DPEP1: variants seen among roughly 807,000 people sequenced by gnomAD.
DPEP1 encodes the protein beta-lactamase.
Under a neutral mutation model 42.3 loss-of-function variants are expected in DPEP1, and 50 were observed. The observed-to-expected ratio is 1.18, with a 90% CI of 0.94 to 1.50. The LOEUF (loss-of-function observed/expected upper bound fraction) is 1.50. Ranked by LOEUF, DPEP1 falls within the 40% of genes most tolerant of loss-of-function variation. The pLI is 0.00. For missense variants in DPEP1, 663 were observed against 553.0 expected, an observed-to-expected ratio of 1.20 and a Z score of -1.99; for synonymous variants, 297 against 234.0, an observed-to-expected ratio of 1.27 and a Z score of -2.46.
chr16:89,632,625 G>A (rs1597763808), intron 2 of DPEP1, among the ~76,000 whole-genome samples: 3 of 152,292 alleles, frequency 2.0e-5, no homozygotes, highest in African/African-American at 7.2e-5. Context: ...CCCAGCTAAG[G>A]GCATTGCCCC....
chr16:89,635,163 C>CT lies in DPEP1; in HGVS notation c.105-745_105-744insT, dbSNP rs1175989450. On this transcript the variant is annotated intron_variant, in intron 2 of 10. Transcript: ENST00000690203. ...CCTTCCTTCTCCTTTCCCCTTCCTTCCCTTTCCCTTCCTTCTCCTTTCCCC... is the reference window on the plus strand; with the variant it reads ...CCTTCCTTCTCCTTTCCCCTTCCTTCTCCTTTCCCTTCCTTCTCCTTTCCCC... Among the ~76,000 whole-genome samples the CT allele has an allele frequency of 1.4e-3, 43 of 30,514 alleles. 1 individual carries two copies. Among genetic ancestry groups the CT allele is most frequent in the African/African-American group, 4.1e-3 (38 of 9,212 alleles). 20.0% of individuals were successfully genotyped at this position (30,514 alleles called of 152,430 possible). A position where few individuals can be genotyped will look rare whatever the true frequency, so the allele number is the denominator to read the frequency against.
At chr16:89,614,670 C>G (rs531906140) in intron 1 of DPEP1, among the ~76,000 whole-genome samples, 217 of 152,334 alleles carry the variant, frequency 1.4e-3, no homozygotes, top group African/African-American at 4.8e-3. Flanking sequence ...TGGCGGGCGC[C>G]TGTAGTCCCA....
chr16:89,614,674 A>G (rs1355461039), intron 1 of DPEP1, among the ~76,000 whole-genome samples: 1 of 152,214 alleles, frequency 6.6e-6, no homozygotes. Context: ...GGGCGCCTGT[A>G]GTCCCAGCTA....
intron 1 of DPEP1, among the ~76,000 whole-genome samples, chr16:89,617,853 A>T (rs934152366): frequency 3.4e-5 from 5 of 145,406 alleles, no homozygotes; most frequent in African/African-American, 1.3e-4. Flanking sequence ...GTGAAACCCC[A>T]TCTCTACTAA....
At position 89,636,546 on chromosome 16, in the gene DPEP1, C is replaced by T. The variant is rs1370177810; in HGVS notation, c.384C>T (p.Ala128=). ...CTCTCCCCGCAGGCATTCGGCAGGC[C>T]TTCCGGGAAGGGAAGGTGGCCAGCC... ...YVTSSAGIRQ[A]FREGKVASLI... is the part of the protein sequence containing the mutation. The change falls in exon 5 of 11, where the codon GCC becomes GCT. Residue 128 remains alanine (A), a synonymous_variant. Coordinates refer to ENST00000690203, the MANE Select transcript of DPEP1 (RefSeq NM_001389466.1). 6.2e-7 allele frequency: 1 copy of T among 1,612,330 alleles called. No individual in the cohort carries two copies. Among genetic ancestry groups the T allele is most frequent in the African/African-American group, 1.3e-5 (1 of 74,940 alleles).
At chr16:89,616,633 A>C (rs2059381074) in intron 1 of DPEP1, among the ~76,000 whole-genome samples, 1 of 152,156 alleles carries the variant, frequency 6.6e-6, no homozygotes, top group African/African-American at 2.4e-5. Context: ...AGGTTCCTTG[A>C]AGTTTGTGAT....
rs755254089 is a variant in DPEP1, at chr16:89,636,004, CATCCCCA to C, written c.203_209del (p.Ile68SerfsTer2). On this transcript the variant is annotated frameshift_variant, in exon 3 of 11. Coordinates refer to ENST00000690203, the MANE Select transcript of DPEP1 (RefSeq NM_001389466.1). LOFTEE classifies it high-confidence loss of function. ...CCACCTTGGCCGGCACACACACCAA[CATCCCCA>C]AGCTGAGGGCCGGCTTTGTGGGAGG... The C allele has an allele frequency of 2.4e-5, 39 of 1,612,036 alleles. 1 individual carries two copies. The highest frequency in any genetic ancestry group is 2.1e-4 in the South Asian group (19 of 91,016).
intron 1 of DPEP1, among the ~76,000 whole-genome samples, chr16:89,618,298 C>T (rs1011118167): frequency 6.6e-6 from 1 of 152,130 alleles, no homozygotes; most frequent in African/African-American, 2.4e-5. Context: ...CTCACTGTAG[C>T]TTAAACCTCC....
Position 89,638,081 on chromosome 16 carries a change from G to A in DPEP1, c.1095G>A (p.Glu365=). 6.2e-7 allele frequency: 1 copy of A among 1,612,322 alleles called. No individual in the cohort carries two copies. Among genetic ancestry groups the A allele is most frequent in the South Asian group, 1.1e-5 (1 of 91,074 alleles). The stretch of plus-strand genomic sequence containing the variant: ...GCAACCTCACACAGGCTCCCGAGGA[G>A]GAGCCCATCCCGCTGGACCAGCTGG... ...QASNLTQAPE[E]EPIPLDQLGG... is the part of the protein sequence containing the mutation. The change falls in exon 11 of 11, where the codon GAG becomes GAA. Residue 365 remains glutamate (E), a synonymous_variant. Transcript: ENST00000690203.
intron 3 of DPEP1, 103 bp downstream of exon 3, chr16:89,636,143 C>A: frequency 6.5e-7 from 1 of 1,546,168 alleles, no homozygotes; most frequent in African/African-American, 1.4e-5. Context: ...CCTCCAGGGT[C>A]CCTCGGTGCC....
At chr16:89,623,855 G>A (rs184125497) in intron 1 of DPEP1, among the ~76,000 whole-genome samples, 1 of 152,128 alleles carries the variant, frequency 6.6e-6, no homozygotes, top group Admixed American at 6.5e-5. Flanking sequence ...TCCCTGGACC[G>A]GAGGCAGAGG....
Position 89,637,463 on chromosome 16 carries a change from T to G in DPEP1, c.769-5T>G, listed in dbSNP as rs763019544. 20 of 1,612,698 alleles carry G rather than the reference T, an allele frequency of 1.2e-5. No homozygotes were observed. The highest frequency in any genetic ancestry group is 1.6e-5 in the Non-Finnish European group (19 of 1,179,982). On this transcript the variant is annotated splice_region_variant and splice_polypyrimidine_tract_variant and intron_variant, in intron 7 of 10. Transcript: ENST00000690203. ...CAGCTTCACCCTGTCTTCCTTCTTGTGCAGAAACAGACAGACAGCCTGGTG... is the reference window on the plus strand; with the variant it reads ...CAGCTTCACCCTGTCTTCCTTCTTGGGCAGAAACAGACAGACAGCCTGGTG...
At position 89,634,089 on chromosome 16, in the gene DPEP1, TTC is replaced by T. The variant is rs1212149459; in HGVS notation, c.105-1817_105-1816del. Among the ~76,000 whole-genome samples the T allele has an allele frequency of 1.2e-4, 15 of 129,542 alleles. 1 individual carries two copies. The highest frequency in any genetic ancestry group is 3.4e-4 in the African/African-American group (11 of 32,352). 85.0% of individuals were successfully genotyped at this position (129,542 alleles called of 152,430 possible). ...TCTATTTTTCTTTTCTCTTCTCTTC[TTC>T]TTTTTTTTTTTTTTTTGGAGGGAGT... On this transcript the variant is annotated intron_variant, in intron 2 of 10. Transcript: ENST00000690203.
intron 1 of DPEP1, among the ~76,000 whole-genome samples, chr16:89,614,613 T>C (rs1434360683): frequency 6.6e-6 from 1 of 152,026 alleles, no homozygotes; most frequent in African/African-American, 2.4e-5. Context: ...GCTAACACGG[T>C]GAAACCCCGT....
At position 89,620,155 on chromosome 16, in the gene DPEP1, G is replaced by C. The variant is rs144857293; in HGVS notation, c.-107+6436G>C. Among the ~76,000 whole-genome samples the C allele has an allele frequency of 1.4e-3, 219 of 152,142 alleles. 3 individuals are homozygous for C. The highest frequency in any genetic ancestry group is 5.2e-3 in the African/African-American group (214 of 41,526). On this transcript the variant is annotated intron_variant, in intron 1 of 10. Transcript: ENST00000690203. ...AGAGGACATTCCAATCCTCGATTGT[G>C]GCTGGGGATGGAGGGAGATCAACCC...
downstream of DPEP1, chr16:89,640,561 T>C (rs1488527218): frequency 1.0e-6 from 1 of 984,814 alleles, no homozygotes; most frequent in Non-Finnish European, 1.2e-6. Context: ...AGGATGCACT[T>C]ATCAATAATC....
downstream of DPEP1, among the ~76,000 whole-genome samples, chr16:89,639,042 T>C (rs1597779404): frequency 1.1e-4 from 2 of 17,942 alleles, no homozygotes; most frequent in Non-Finnish European, 9.6e-5. Flanking sequence ...CCCCCACCCC[T>C]GCACGCACAC....
chr16:89,615,266 C>T (rs539525356), intron 1 of DPEP1, among the ~76,000 whole-genome samples: 25 of 152,322 alleles, frequency 1.6e-4, no homozygotes, highest in East Asian at 1.5e-3. Flanking sequence ...AGCCCCAAAG[C>T]GGCCTCTCAG....
chr16:89,628,252 C>CT (rs60909664), intron 1 of DPEP1, among the ~76,000 whole-genome samples: 256 of 75,464 alleles, frequency 3.4e-3, no homozygotes, highest in Middle Eastern at 0.032. Flanking sequence ...TCTTTCTTTT[C>CT]TTTCTTTTTT....
Sources: gnomAD v4.1 joint callset for allele counts (sites outside exome capture counted in the v4.1 genomes callset) on GRCh38, gnomAD v4.1.1 for gene constraint, MANE v1.5 for transcripts, NCBI Gene and HGNC (gene_info 2026-07-23, HGNC 2026-07-21) for gene names.